TCF12: variants seen among roughly 807,000 people sequenced by gnomAD.
TCF12 encodes transcription factor 12.
In TCF12, 45 loss-of-function variants were observed where a neutral mutation model predicts 86.0. The observed-to-expected ratio is 0.52, with a 90% CI of 0.41 to 0.67. TCF12 has a LOEUF of 0.67. Among genes scored for constraint, TCF12 ranks in the 30% least tolerant of loss-of-function variants. TCF12 has a pLI of 0.00. For missense variants in TCF12, 881 were observed against 859.9 expected (o/e 1.02, Z -0.31); for synonymous variants, 330 against 299.6 (o/e 1.10, Z -1.05).
At chr15:57,158,123 A>T (rs1282834261) in intron 5 of TCF12, among the ~76,000 whole-genome samples, 1 of 150,426 alleles carries the variant, frequency 6.6e-6, no homozygotes. Context: ...AGGGTAGTTG[A>T]GTTGGTGAAT....
intron 19 of TCF12, among the ~76,000 whole-genome samples, chr15:57,276,475 C>T (rs917998012): frequency 1.3e-5 from 2 of 152,142 alleles, no homozygotes; most frequent in Non-Finnish European, 2.9e-5. Context: ...GATAGAAAGT[C>T]GATGGAATAG....
chr15:56,919,843 C>A, intron 1 of TCF12, 49 bp from the exon 2 acceptor site: 1 of 1,546,288 alleles, frequency 6.5e-7, no homozygotes, highest in Non-Finnish European at 8.9e-7. Flanking sequence ...TTCCCTCACA[C>A]ACTTTGGGCC....
intron 3 of TCF12, among the ~76,000 whole-genome samples, chr15:57,011,911 T>C (rs2064856199): frequency 6.6e-6 from 1 of 152,212 alleles, no homozygotes; most frequent in South Asian, 2.1e-4. Context: ...AAAATGGATT[T>C]GGATGTGTTT....
intron 3 of TCF12, among the ~76,000 whole-genome samples, chr15:56,987,144 C>T (rs527601952): frequency 6.6e-6 from 1 of 151,806 alleles, no homozygotes; most frequent in South Asian, 2.1e-4. Flanking sequence ...GAGTTTCGCT[C>T]TTGTTGCCCA....
At chr15:56,994,244 G>C (rs1296479377) in intron 3 of TCF12, among the ~76,000 whole-genome samples, 4 of 151,950 alleles carry the variant, frequency 2.6e-5, no homozygotes, top group Non-Finnish European at 5.9e-5. Flanking sequence ...GGATATTATG[G>C]GAAAATAACA....
chr15:57,041,273 C>T (rs1273817968), intron 3 of TCF12, among the ~76,000 whole-genome samples: 1 of 152,160 alleles, frequency 6.6e-6, no homozygotes, highest in Non-Finnish European at 1.5e-5. Context: ...TCTAATTACT[C>T]AGCTTTTAGT....
chr15:57,156,340 AG>A (rs1160572497), intron 5 of TCF12, among the ~76,000 whole-genome samples: 1 of 152,182 alleles, frequency 6.6e-6, no homozygotes, highest in Non-Finnish European at 1.5e-5. Context: ...TCTATTTTTT[AG>A]GTAAAAAAAA....
chr15:57,003,070 A>G (rs971450446), intron 3 of TCF12, among the ~76,000 whole-genome samples: 7 of 152,224 alleles, frequency 4.6e-5, no homozygotes, highest in Non-Finnish European at 7.3e-5. Flanking sequence ...GGGCTTTTAT[A>G]TGAGAAATCT....
intron 5 of TCF12, among the ~76,000 whole-genome samples, chr15:57,144,277 C>G (rs1203534803): frequency 6.6e-6 from 1 of 152,106 alleles, no homozygotes; most frequent in African/African-American, 2.4e-5. Flanking sequence ...ATACGAGGCA[C>G]ATTCTAAGGA....
intron 15 of TCF12, 49 bp downstream of exon 15, chr15:57,252,541 C>G: frequency 6.9e-7 from 1 of 1,450,792 alleles, no homozygotes; most frequent in Non-Finnish European, 9.7e-7. Context: ...ATTAATTATA[C>G]TTCCCACTAT....
chr15:57,064,722 G>T (rs536290685), intron 4 of TCF12, among the ~76,000 whole-genome samples: 5 of 149,242 alleles, frequency 3.4e-5, no homozygotes, highest in African/African-American at 1.3e-4. Context: ...CTTGAACCTG[G>T]GAGGCAGAGG....
intron 3 of TCF12, among the ~76,000 whole-genome samples, chr15:56,925,240 G>GCCCCCCC (rs11465192): frequency 2.2e-5 from 3 of 136,258 alleles, no homozygotes; most frequent in South Asian, 2.5e-4. Flanking sequence ...GGTGTCCACC[G>GCCCCCCC]CCCCCCCACC....
intron 3 of TCF12, among the ~76,000 whole-genome samples, chr15:56,988,045 A>G (rs1444500709): frequency 3.3e-5 from 5 of 152,234 alleles, no homozygotes; most frequent in Non-Finnish European, 5.9e-5. Flanking sequence ...GTGCTTAAAA[A>G]TAACAGCTAA....
chr15:57,115,302 A>G (rs1407955674), intron 5 of TCF12, among the ~76,000 whole-genome samples: 5 of 152,244 alleles, frequency 3.3e-5, no homozygotes, highest in Non-Finnish European at 5.9e-5. Context: ...TAAACAAAAC[A>G]TAAGTGTATT....
intron 15 of TCF12, 85 bp from the exon 16 acceptor site, chr15:57,253,177 C>A: frequency 7.0e-7 from 1 of 1,436,714 alleles, no homozygotes; most frequent in Non-Finnish European, 9.7e-7. Flanking sequence ...CTATCTTCCA[C>A]ATATCACATA....
chr15:57,152,256 A>C (rs933564078), intron 5 of TCF12, among the ~76,000 whole-genome samples: 1 of 152,230 alleles, frequency 6.6e-6, no homozygotes, highest in Admixed American at 6.5e-5. Context: ...CATCAAAATT[A>C]TAAGTCACAC....
chr15:56,963,000 T>C (rs1347772800), intron 3 of TCF12, among the ~76,000 whole-genome samples: 8 of 151,834 alleles, frequency 5.3e-5, no homozygotes, highest in Non-Finnish European at 1.2e-4. Context: ...TGAGTGTTTC[T>C]TTGAAGCAGA....
intron 5 of TCF12, among the ~76,000 whole-genome samples, chr15:57,102,667 A>G (rs2049842419): frequency 6.6e-6 from 1 of 152,098 alleles, no homozygotes; most frequent in Admixed American, 6.5e-5. Flanking sequence ...TTTTTATTTA[A>G]AAAACAAATT....
Position 57,272,977 on chromosome 15 carries a change from A to G in TCF12, c.1746-53A>G, listed in dbSNP as rs2061212879. 15 of 1,514,484 alleles carry G rather than the reference A, an allele frequency of 9.9e-6. No individual in the cohort carries two copies. In the South Asian group the frequency reaches 1.3e-4, roughly 13 times the overall value. 93.8% of individuals were successfully genotyped at this position (1,514,484 alleles called of 1,614,324 possible). On this transcript the variant is annotated intron_variant, in intron 18 of 20. Transcript: ENST00000333725. ...CGCTTTATAATTGTGCACAATCAGC[A>G]TATCTTACTTTATAGGAAACCTAAT... is the stretch of plus-strand genomic sequence containing the variant.
Sources: allele counts gnomAD v4.1 joint callset (sites outside exome capture counted in the v4.1 genomes callset), GRCh38; gene constraint gnomAD v4.1.1; transcripts MANE v1.5; gene names NCBI Gene and HGNC (gene_info 2026-07-23, HGNC 2026-07-21).